The following WDR20 variants were observed in gnomAD, a reference collection of about 807,000 sequenced individuals.
WDR20 encodes WD repeat domain 20, also known as WD repeat-containing protein 20.
WDR20 carries 3 observed loss-of-function variants against 38.7 expected under a neutral mutation model. The ratio of observed to expected loss-of-function variants is 0.08; its 90% confidence interval spans 0.04 to 0.20. WDR20 has a LOEUF of 0.20. Ranked by LOEUF, WDR20 falls within the 10% of genes least tolerant of loss-of-function variation. The pLI, the probability that WDR20 is intolerant of heterozygous loss-of-function variation, is 1.00. For missense variants in WDR20, 559 were observed against 727.7 expected (o/e 0.77, Z 2.67); for synonymous variants, 298 against 285.6 (o/e 1.04, Z -0.44).
Position 102,179,620 on chromosome 14 carries a change from A to C in WDR20, c.250-15318A>C, listed in dbSNP as rs78999551. 4.6e-3 allele frequency among the ~76,000 whole-genome samples: 698 copies of C among 152,178 alleles called. 7 individuals carry two copies. Among genetic ancestry groups the C allele is most frequent in the African/African-American group, 0.016 (647 of 41,548 alleles). ...TTAAAAAAATTATGCTACATCAAGT[A>C]CAGTAAAATCTTAACTGATTGGAAA... is the stretch of plus-strand genomic sequence containing the variant. On this transcript the variant is annotated intron_variant, in intron 1 of 2. Coordinates refer to ENST00000342702, the MANE Select transcript of WDR20 (RefSeq NM_144574.4).
At chr14:102,193,949 A>G (rs566552113) in intron 1 of WDR20, among the ~76,000 whole-genome samples, 17 of 152,308 alleles carry the variant, frequency 1.1e-4, no homozygotes, top group Middle Eastern at 3.4e-3. Flanking sequence ...ATGCCACAGG[A>G]CATTTCTCAT....
intron 1 of WDR20, among the ~76,000 whole-genome samples, chr14:102,176,820 G>A (rs1352119118): frequency 1.3e-5 from 2 of 151,850 alleles, no homozygotes; most frequent in East Asian, 3.9e-4. Context: ...TGCAAGCTCC[G>A]CCTCCCGGGT....
At chr14:102,139,887 C>G (rs1396085598), upstream of WDR20, 2 of 1,600,554 alleles carry the variant, frequency 1.2e-6, no homozygotes, top group African/African-American at 1.3e-5. Flanking sequence ...TGGGCGTGAT[C>G]CGGGCACTTA....
chr14:102,184,475 A>T (rs2064102313), intron 1 of WDR20, among the ~76,000 whole-genome samples: 1 of 152,170 alleles, frequency 6.6e-6, no homozygotes, highest in South Asian at 2.1e-4. Context: ...ATTTCAGCAG[A>T]TGCTTGACTG....
chr14:102,215,790 G>C (rs1182188271), downstream of WDR20, among the ~76,000 whole-genome samples: 1 of 152,208 alleles, frequency 6.6e-6, no homozygotes, highest in Non-Finnish European at 1.5e-5. Flanking sequence ...ACACAGGGCA[G>C]TGGGGGACGT....
intron 1 of WDR20, among the ~76,000 whole-genome samples, chr14:102,152,007 C>T (rs190855941): frequency 1.3e-3 from 192 of 152,226 alleles, no homozygotes; most frequent in Non-Finnish European, 2.0e-3. Flanking sequence ...CTGCAACCTC[C>T]GCTTCCTGGG....
At chr14:102,213,602 G>A (rs986348742), downstream of WDR20, 7 of 985,386 alleles carry the variant, frequency 7.1e-6, no homozygotes, top group Middle Eastern at 5.2e-4. Context: ...CCGTCCGGGC[G>A]GGGCCCAGGG....
In WDR20 at chr14:102,185,021, AAG is replaced by A. The variant is rs1302807582; in HGVS notation, c.250-9913_250-9912del. Reference sequence around the variant, plus strand: ...AATGAAGGAGGAATGGAAACTAAGAAAGAGAAGCTACTGTTTTGTTTTGGAAG... The same window carrying A: ...AATGAAGGAGGAATGGAAACTAAGAAAGAAGCTACTGTTTTGTTTTGGAAG... On this transcript the variant is annotated intron_variant, in intron 1 of 2. Transcript: ENST00000342702. 2.0e-5 allele frequency among the ~76,000 whole-genome samples: 3 copies of A among 150,342 alleles called. No individual in the cohort carries two copies. The East Asian group carries it at 5.8e-4, about 29-fold the overall frequency.
At chr14:102,150,846 A>G (rs954333848) in intron 1 of WDR20, among the ~76,000 whole-genome samples, 1 of 152,246 alleles carries the variant, frequency 6.6e-6, no homozygotes, top group Non-Finnish European at 1.5e-5. Flanking sequence ...AAGAGGACTT[A>G]CTGAGTGCCT....
At chr14:102,202,460 A>G (rs1224298021) in intron 2 of WDR20, among the ~76,000 whole-genome samples, 1 of 145,198 alleles carries the variant, frequency 6.9e-6, no homozygotes, top group Non-Finnish European at 1.5e-5. Context: ...GCTCACTGCA[A>G]ACCTCTGCCT....
downstream of WDR20, among the ~76,000 whole-genome samples, chr14:102,215,250 G>A (rs978500126): frequency 2.6e-5 from 4 of 152,188 alleles, no homozygotes; most frequent in South Asian, 2.1e-4. Flanking sequence ...ACTCCAGTCC[G>A]GGAGAAGGAC....
intron 1 of WDR20, among the ~76,000 whole-genome samples, chr14:102,179,161 A>C (rs897674868): frequency 6.6e-6 from 1 of 152,104 alleles, no homozygotes; most frequent in African/African-American, 2.4e-5. Flanking sequence ...CTCCTCATAT[A>C]CTTAACCCAC....
intron 1 of WDR20, among the ~76,000 whole-genome samples, chr14:102,149,733 G>A (rs1010971820): frequency 4.6e-5 from 7 of 152,072 alleles, no homozygotes; most frequent in Admixed American, 6.6e-5. Context: ...TCACTCTGTC[G>A]CCCAGGCTGG....
At chr14:102,224,381 G>A (rs1363555742), downstream of WDR20, 1 of 354,732 alleles carries the variant, frequency 2.8e-6, no homozygotes, top group African/African-American at 2.1e-5. Context: ...CAGCTCGTGA[G>A]CATCTGAGTT....
At chr14:102,155,279 A>C (rs1241166627) in intron 1 of WDR20, among the ~76,000 whole-genome samples, 2 of 152,174 alleles carry the variant, frequency 1.3e-5, no homozygotes, top group African/African-American at 4.8e-5. Flanking sequence ...GTCAAATGTA[A>C]GATATTTCTT....
Position 102,222,891 on chromosome 14 carries a change from A to G in WDR20, c.*8A>G, listed in dbSNP as rs2064082356. The stretch of plus-strand genomic sequence containing the variant: ...GGTGGAACTGTAGTGTAGCGACCTC[A>G]CTGCTGCGCGCACAGTCTCCCGGGA... On this transcript the variant is annotated 3_prime_UTR_variant, in exon 4 of 4. Coordinates refer to the WDR20 transcript ENST00000335263. The surrounding 1 kb of genome is among the most constrained non-coding windows in gnomAD (Gnocchi z 4.4). 2 of 1,614,082 alleles carry G rather than the reference A, an allele frequency of 1.2e-6. No individual in the cohort carries two copies. Among genetic ancestry groups the G allele is most frequent in the South Asian group, 2.2e-5 (2 of 91,076 alleles).
downstream of WDR20, chr14:102,212,534 C>T (rs2062682882): frequency 6.5e-7 from 1 of 1,535,890 alleles, no homozygotes; most frequent in Non-Finnish European, 8.7e-7. Flanking sequence ...CAGAGCACTT[C>T]TGCAGGCAGG....
intron 2 of WDR20, among the ~76,000 whole-genome samples, chr14:102,198,769 G>T (rs949039227): frequency 6.6e-6 from 1 of 152,192 alleles, no homozygotes; most frequent in African/African-American, 2.4e-5. Context: ...GCTTTTTGGA[G>T]ACTGAATTGG....
intron 1 of WDR20, among the ~76,000 whole-genome samples, chr14:102,192,283 G>A (rs149190014): frequency 4.0e-5 from 6 of 151,546 alleles, no homozygotes; most frequent in East Asian, 1.9e-4. Context: ...AGGTTCAAGC[G>A]ATTCTCCTGT....
Sources: gnomAD v4.1 joint callset for allele counts (sites outside exome capture counted in the v4.1 genomes callset) on GRCh38, gnomAD v4.1.1 for gene constraint, Gnocchi (gnomAD v3.1) non-coding constraint, MANE v1.5 for transcripts, NCBI Gene and HGNC (gene_info 2026-07-23, HGNC 2026-07-21) for gene names.